The following HEATR1 variants were observed in gnomAD, a reference collection of about 807,000 sequenced individuals.
HEATR1 encodes HEAT repeat containing 1.
HEATR1 carries 77 observed loss-of-function variants against 248.2 expected under a neutral mutation model. The observed-to-expected ratio is 0.31, with a 90% CI of 0.26 to 0.37. The LOEUF (loss-of-function observed/expected upper bound fraction) is 0.37. HEATR1 is among the 10% of genes least tolerant of loss of function. The pLI is 1.00. For missense variants in HEATR1, 2,420 were observed against 2,504.9 expected (o/e 0.97, Z 0.72); for synonymous variants, 897 against 923.1 (o/e 0.97, Z 0.51).
In HEATR1 at chr1:236,592,833, T is replaced by A. The variant is rs1195384700; in HGVS notation, c.1194-200A>T. 5.9e-5 allele frequency among the ~76,000 whole-genome samples: 9 copies of A among 152,316 alleles called. No individual in the cohort carries two copies. In the East Asian group the frequency reaches 1.7e-3, roughly 29 times the overall value. On this transcript the variant is annotated intron_variant, in intron 9 of 44. Coordinates refer to ENST00000366582, the MANE Select transcript of HEATR1 (RefSeq NM_018072.6). The stretch of plus-strand genomic sequence containing the variant: ...CACTGGCATTATAATCCCAGCACTT[T>A]CGGAGGCCGGGGCAGGAGAACTGCT...
At position 236,574,648 on chromosome 1, in the gene HEATR1, A is replaced by G; in HGVS notation, c.3327+13T>C. On this transcript the variant is annotated intron_variant, in intron 23 of 44. Transcript: ENST00000366582. ...AACATGCTATGCCTTAGTTTCTGAAAGAAATCACTGACCTTTTCAAGGGCT... is the reference window on the plus strand; with the variant it reads ...AACATGCTATGCCTTAGTTTCTGAAGGAAATCACTGACCTTTTCAAGGGCT... The G allele has an allele frequency of 6.2e-7, 1 of 1,606,486 alleles. No individual in the cohort carries two copies. The highest frequency in any genetic ancestry group is 8.5e-7 in the Non-Finnish European group (1 of 1,176,666).
At chr1:236,570,074 A>G (rs997559325) in intron 28 of HEATR1, among the ~76,000 whole-genome samples, 1 of 152,130 alleles carries the variant, frequency 6.6e-6, no homozygotes, top group African/African-American at 2.4e-5. Flanking sequence ...GGATCATGAC[A>G]TCAGGAGATC....
Position 236,566,634 on chromosome 1 carries a change from C to T in HEATR1, c.4308+12G>A, listed in dbSNP as rs768816207. ...TCACCATTTTCCTTATCTTCCCACC[C>T]TAGGTTCTGACCTTTTCGCCATAGG... On this transcript the variant is annotated intron_variant, in intron 30 of 44. Coordinates refer to ENST00000366582, the MANE Select transcript of HEATR1 (RefSeq NM_018072.6). 5.7e-6 allele frequency: 9 copies of T among 1,586,830 alleles called. No individual in the cohort carries two copies. In the East Asian group the frequency reaches 2.0e-4, roughly 36 times the overall value.
intron 42 of HEATR1, among the ~76,000 whole-genome samples, chr1:236,554,032 G>A (rs1311474847): frequency 6.6e-6 from 1 of 152,096 alleles, no homozygotes. Context: ...TAAAACAAAT[G>A]AATACATTAA....
In HEATR1 at chr1:236,572,765, C is replaced by T; in HGVS notation, c.3523G>A (p.Gly1175Ser). 6.2e-7 allele frequency: 1 copy of T among 1,613,888 alleles called. No individual in the cohort carries two copies. Among genetic ancestry groups the T allele is most frequent in the Non-Finnish European group, 8.5e-7 (1 of 1,179,874 alleles). Residue 1175 changes from glycine to serine, a missense_variant, in exon 25 of 45, where the codon GGC becomes AGC. Transcript: ENST00000366582. ...TGCCTTCTTTTTTGCTGAACTGTGC[C>T]CAAGGGTTTAGCTTTATCTGGTGGC... ...LEPPDKAKPLGTVQQKRRQKM... is the reference protein window; with the variant it reads ...LEPPDKAKPLSTVQQKRRQKM...
At chr1:236,566,067 T>C in intron 30 of HEATR1, 22 bp from the exon 31 acceptor site, 1 of 1,608,514 alleles carries the variant, frequency 6.2e-7, no homozygotes, top group Non-Finnish European at 8.5e-7. Flanking sequence ...AAGAAAAAGG[T>C]AACAAATCTG....
chr1:236,568,894 AAAAC>A, intron 29 of HEATR1, 98 bp downstream of exon 29: 5 of 611,808 alleles, frequency 8.2e-6, no homozygotes, highest in African/African-American at 7.8e-5. Context: ...TTAAAAAAAA[AAAAC>A]AAAAAAAAAA....
Position 236,558,683 on chromosome 1 carries a change from G to A in HEATR1, c.4912-154C>T, listed in dbSNP as rs3806391. ...CTAAGCGATGTGCATGTTCTAGCCA[G>A]TGTTTCACTTATACAAAGCACCCAC... On this transcript the variant is annotated intron_variant, in intron 35 of 44. Transcript: ENST00000366582. 4.0e-3 allele frequency among the ~76,000 whole-genome samples: 616 copies of A among 152,216 alleles called. 5 individuals are homozygous for A. The highest frequency in any genetic ancestry group is 0.018 in the South Asian group (88 of 4,824).
intron 42 of HEATR1, 41 bp from the exon 43 acceptor site, chr1:236,553,780 T>C (rs1228450977): frequency 3.8e-6 from 6 of 1,563,338 alleles, no homozygotes; most frequent in African/African-American, 2.7e-5. Context: ...ACAAGTCTCA[T>C]TTCTTTCTTC....
chr1:236,568,688 GTCA>G, intron 29 of HEATR1, among the ~76,000 whole-genome samples: 1 of 152,204 alleles, frequency 6.6e-6, no homozygotes, highest in East Asian at 1.9e-4. Flanking sequence ...GATGGTGGAT[GTCA>G]ATTTACCCCA....
chr1:236,576,475 T>C (rs1663564633), intron 21 of HEATR1, 98 bp from the exon 22 acceptor site: 5 of 904,186 alleles, frequency 5.5e-6, no homozygotes, highest in African/African-American at 3.4e-5. Flanking sequence ...TGATGTGACA[T>C]TGTTTATAAT....
intron 4 of HEATR1, among the ~76,000 whole-genome samples, chr1:236,598,495 C>G (rs1038675435): frequency 1.3e-4 from 20 of 151,932 alleles, no homozygotes; most frequent in African/African-American, 4.6e-4. Context: ...GTTTGGCTAC[C>G]TGCAATAAGA....
intron 24 of HEATR1, 71 bp downstream of exon 24, chr1:236,574,131 C>G: frequency 7.2e-7 from 1 of 1,391,648 alleles, no homozygotes; most frequent in South Asian, 1.6e-5. Flanking sequence ...ATACAGGACT[C>G]TTAAACATGG....
At chr1:236,556,316 CACTT>C (rs1248668007) in intron 37 of HEATR1, 58 bp from the exon 38 acceptor site, 12 of 1,559,230 alleles carry the variant, frequency 7.7e-6, no homozygotes, top group Non-Finnish European at 1.1e-5. Flanking sequence ...GACAAACACA[CACTT>C]ACAGAGAGGC....
intron 19 of HEATR1, 128 bp from the exon 20 acceptor site, chr1:236,581,542 C>A: frequency 1.6e-6 from 1 of 614,094 alleles, no homozygotes; most frequent in Non-Finnish European, 2.6e-6. Flanking sequence ...TTTGTCTAAT[C>A]ATTTCAAATT....
In HEATR1 at chr1:236,566,699, G is replaced by A. The variant is rs138927825; in HGVS notation, c.4255C>T (p.Leu1419Phe). The part of the protein sequence containing the change: ...EKFLWILLIL[L>F]FEQYVTKTVL... ...GTTTTTGTGACATACTGTTCAAAAA[G>A]CAAGATGAGGAGAATCCAGAGGAAT... is the stretch of plus-strand genomic sequence containing the variant. Residue 1419 changes from leucine (L) to phenylalanine (F), a missense_variant, in exon 30 of 45, where the codon CTT becomes TTT. Physicochemically the swap from Leu to Phe is conservative, Grantham distance 22. Coordinates refer to ENST00000366582, the MANE Select transcript of HEATR1 (RefSeq NM_018072.6). 6.2e-7 allele frequency: 1 copy of A among 1,614,086 alleles called. No individual in the cohort carries two copies. The highest frequency in any genetic ancestry group is 2.2e-5 in the East Asian group (1 of 44,864).
chr1:236,599,786 A>C (rs1395251501), intron 3 of HEATR1, among the ~76,000 whole-genome samples, 162 bp from the exon 4 acceptor site: 1 of 152,212 alleles, frequency 6.6e-6, no homozygotes, highest in African/African-American at 2.4e-5. Flanking sequence ...AAAAGTCCCC[A>C]ATTTTGCATT....
chr1:236,595,554 A>C lies in HEATR1; in HGVS notation c.1076T>G (p.Ile359Ser). 1 of 1,611,694 alleles carries C rather than the reference A, an allele frequency of 6.2e-7. No homozygotes were observed. The highest frequency in any genetic ancestry group is 8.5e-7 in the Non-Finnish European group (1 of 1,178,718). Residue 359 changes from isoleucine (I) to serine (S), a missense_variant, in exon 8 of 45, where the codon ATT (isoleucine) becomes AGT (serine). Coordinates refer to ENST00000366582, the MANE Select transcript of HEATR1 (RefSeq NM_018072.6). ...AAACCACACACCTGTAACATGATGAATGATGGAGACGACCAGATGGGGAAG... is the reference window on the plus strand; with the variant it reads ...AAACCACACACCTGTAACATGATGACTGATGGAGACGACCAGATGGGGAAG... Reference protein sequence around the residue: ...YMLPHLVVSIIHHVTGEETEG... With the variant: ...YMLPHLVVSISHHVTGEETEG...
intron 29 of HEATR1, among the ~76,000 whole-genome samples, chr1:236,567,647 C>T (rs2853605): frequency 0.68 from 104,166 of 152,118 alleles, 35,984 homozygotes; most frequent in Non-Finnish European, 0.72. Flanking sequence ...AGGCAGAGGT[C>T]GCAGTGACCC....
Sources: allele counts gnomAD v4.1 joint callset (sites outside exome capture counted in the v4.1 genomes callset), GRCh38; gene constraint gnomAD v4.1.1; transcripts MANE v1.5; gene names NCBI Gene and HGNC (gene_info 2026-07-23, HGNC 2026-07-21).